SPINK5: variants seen among roughly 807,000 people sequenced by gnomAD.
The protein encoded by SPINK5 is serine protease inhibitor Kazal-type 5.
In SPINK5, 125 loss-of-function variants were observed where a neutral mutation model predicts 151.8. The ratio of observed to expected loss-of-function variants is 0.82; its 90% confidence interval spans 0.71 to 0.96. The LOEUF is 0.96. Among genes scored for constraint, SPINK5 ranks in the 40% least tolerant of loss-of-function variants. SPINK5 has a pLI of 0.00. For synonymous variants in SPINK5, 374 were observed against 395.3 expected (o/e 0.95, Z 0.64); for missense variants, 1,194 against 1,291.9 (o/e 0.92, Z 1.16).
rs565422234 is a variant in SPINK5 at position 148,105,244 on chromosome 5, A to T, written c.1479+244A>T. ...GTGGAATGTTAACTTTTTGTAAGGA[A>T]TTTTCCCCATATTTGGCTTTTATTA... On this transcript the variant is annotated intron_variant, in intron 16 of 32. Coordinates refer to ENST00000256084, the MANE Select transcript of SPINK5 (RefSeq NM_006846.4). 2.6e-5 allele frequency among the ~76,000 whole-genome samples: 4 copies of T among 152,282 alleles called. No homozygotes were observed. In the South Asian group the frequency reaches 8.3e-4, roughly 32 times the overall value.
chr5:148,100,045 G>A (rs1978448), intron 12 of SPINK5, among the ~76,000 whole-genome samples: 67,919 of 151,828 alleles, frequency 0.45, 16,502 homozygotes, highest in Admixed American at 0.58. Context: ...AAACCTGTGT[G>A]CGTATTTCCC....
chr5:148,081,706 T>A (rs1343820000), intron 4 of SPINK5, among the ~76,000 whole-genome samples: 1 of 151,680 alleles, frequency 6.6e-6, no homozygotes, highest in Non-Finnish European at 1.5e-5. Context: ...TGTACAACTC[T>A]TTCCATTTAC....
rs1421200813 is a variant in SPINK5, at chr5:148,125,796, A to C, written c.2813A>C (p.His938Pro). The C allele has an allele frequency of 6.2e-7, 1 of 1,614,122 alleles. No individual in the cohort carries two copies. Among genetic ancestry groups the C allele is most frequent in the African/African-American group, 1.3e-5 (1 of 74,944 alleles). ...LICPRENDPV[H>P]GADGKFYTNK... ...TGCCCTAGAGAGAATGACCCAGTGCACGGTGCTGATGGAAAGTTCTATACA... is the reference window on the plus strand; with the variant it reads ...TGCCCTAGAGAGAATGACCCAGTGCCCGGTGCTGATGGAAAGTTCTATACA... The change falls in exon 29 of 33, where the codon CAC becomes CCC. Residue 938 changes from histidine (H) to proline (P), a missense_variant. By Grantham distance (77) the His-to-Pro change is moderately conservative. Coordinates refer to ENST00000256084, the MANE Select transcript of SPINK5 (RefSeq NM_006846.4).
intron 30 of SPINK5, among the ~76,000 whole-genome samples, chr5:148,129,095 G>T (rs1020477274): frequency 6.6e-6 from 1 of 152,080 alleles, no homozygotes; most frequent in African/African-American, 2.4e-5. Context: ...TGATTCTGTA[G>T]GTATATCTGA....
intron 4 of SPINK5, among the ~76,000 whole-genome samples, chr5:148,076,294 T>C (rs2113017204): frequency 6.6e-6 from 1 of 151,720 alleles, no homozygotes; most frequent in South Asian, 2.1e-4. Flanking sequence ...GCTTAAAAAA[T>C]AACCATGATA....
At chr5:148,111,247 T>A (rs1230227707) in intron 18 of SPINK5, among the ~76,000 whole-genome samples, 3 of 151,992 alleles carry the variant, frequency 2.0e-5, no homozygotes, top group African/African-American at 7.2e-5. Context: ...TGTGGTTACA[T>A]CTCCCTCTCA....
In SPINK5 at chr5:148,125,946, G is replaced by A. The variant is rs1369865011; in HGVS notation, c.2867+96G>A. The A allele has an allele frequency of 5.7e-6, 9 of 1,567,062 alleles. No homozygotes were observed. In the Admixed American group the frequency reaches 1.5e-4, roughly 26 times the overall value. ...AAGTTTGTATATTTATGAACCCCAT[G>A]GGATTTTAAAAATAAGTCTTTAGAA... On this transcript the variant is annotated intron_variant, in intron 29 of 32. Coordinates refer to ENST00000256084, the MANE Select transcript of SPINK5 (RefSeq NM_006846.4).
In SPINK5 at chr5:148,131,014, T is replaced by C. The variant is rs912385721; in HGVS notation, c.2965-245T>C. Among the ~76,000 whole-genome samples, 53 of 152,236 alleles carry C rather than the reference T, an allele frequency of 3.5e-4. 3 individuals are homozygous for C. Among genetic ancestry groups the C allele is most frequent in the Non-Finnish European group, 1.5e-5 (1 of 68,040 alleles). On this transcript the variant is annotated intron_variant, in intron 30 of 32. Coordinates refer to ENST00000256084, the MANE Select transcript of SPINK5 (RefSeq NM_006846.4). ...CACATATTATAAAGGATATTTGCTT[T>C]CTTATTGCTTTGCTACTCCTTGTTT...
chr5:148,083,424 T>TTA lies in SPINK5; in HGVS notation c.283-2978_283-2977dup, dbSNP rs1753073148. Among the ~76,000 whole-genome samples the TTA allele has an allele frequency of 1.3e-5, 2 of 151,500 alleles. 1 individual carries two copies. The highest frequency in any genetic ancestry group is 1.3e-4 in the Admixed American group (2 of 15,184). On this transcript the variant is annotated intron_variant, in intron 4 of 32. Coordinates refer to ENST00000256084, the MANE Select transcript of SPINK5 (RefSeq NM_006846.4). ...ACATTTATATTTATTGTTATTTCTG[T>TTA]TATAGTGAGACTTGGTTCTTTCATT...
In SPINK5 at chr5:148,107,114, C is replaced by T. The variant is rs880687; in HGVS notation, c.1557C>T (p.Gly519=). 1.4e-5 allele frequency: 22 copies of T among 1,612,950 alleles called. No homozygotes were observed. In the African/African-American group the frequency reaches 2.4e-4, roughly 18 times the overall value. Residue 519 remains glycine, a synonymous_variant, in exon 17 of 33, where the codon GGC becomes GGT. Coordinates refer to ENST00000256084, the MANE Select transcript of SPINK5 (RefSeq NM_006846.4). ...CCAGGGAGCATAATCCTGTCCGTGG[C>T]CCAGATGGCAAAATGCATGGAAACA... ...ICTREHNPVR[G]PDGKMHGNKC...
intron 4 of SPINK5, among the ~76,000 whole-genome samples, chr5:148,077,999 CCAAT>C (rs1752928151): frequency 6.6e-6 from 1 of 150,490 alleles, no homozygotes; most frequent in South Asian, 2.1e-4. Flanking sequence ...TTTAAACATC[CCAAT>C]CAAAATGCAG....
chr5:148,114,443 G>T lies in SPINK5; in HGVS notation c.1969G>T (p.Asp657Tyr). ...AGAAAATGATCCTGTGCGTGGCCCA[G>T]ATGGCAAGACCCATGGCAACAAGTG... is the stretch of plus-strand genomic sequence containing the variant. ...TRENDPVRGP[D>Y]GKTHGNKCAM... is the part of the protein sequence containing the mutation. Residue 657 changes from aspartate (D) to tyrosine (Y), a missense_variant, in exon 21 of 33, where the codon GAT becomes TAT. Asp to Tyr is a radical substitution (Grantham distance 160). Transcript: ENST00000256084. 6.2e-7 allele frequency: 1 copy of T among 1,613,754 alleles called. No homozygotes were observed. The highest frequency in any genetic ancestry group is 1.7e-5 in the Admixed American group (1 of 59,992).
chr5:148,072,261 T>G, intron 4 of SPINK5, 41 bp downstream of exon 4: 1 of 1,584,706 alleles, frequency 6.3e-7, no homozygotes, highest in South Asian at 1.1e-5. Flanking sequence ...TTTGAGAGGA[T>G]GTTTGACTCT....
chr5:148,105,147 C>A, intron 16 of SPINK5, 147 bp downstream of exon 16: 1 of 891,512 alleles, frequency 1.1e-6, no homozygotes, highest in Non-Finnish European at 1.7e-6. Context: ...CAAAAAGGGT[C>A]CTGATAAGAA....
chr5:148,121,001 C>T (rs557089745), intron 26 of SPINK5, among the ~76,000 whole-genome samples: 7 of 151,682 alleles, frequency 4.6e-5, no homozygotes, highest in African/African-American at 1.4e-4. Flanking sequence ...AAAAATTAGC[C>T]GGGCACGATG....
At position 148,107,082 on chromosome 5, in the gene SPINK5, A is replaced by G. The variant is rs201926841; in HGVS notation, c.1525A>G (p.Ile509Val). 2.9e-5 allele frequency: 46 copies of G among 1,613,300 alleles called. No individual in the cohort carries two copies. The highest frequency in any genetic ancestry group is 3.4e-5 in the Non-Finnish European group (40 of 1,179,466). The change falls in exon 17 of 33, where the codon ATA (isoleucine) becomes GTA (valine). Residue 509 changes from isoleucine to valine, a missense_variant. Transcript: ENST00000256084. ...FRDQVRNGTLICTREHNPVRG... is the reference protein window; with the variant it reads ...FRDQVRNGTLVCTREHNPVRG... ...GGACCAAGTGAGGAATGGAACACTT[A>G]TATGCACCAGGGAGCATAATCCTGT...
chr5:148,073,208 G>A (rs188614316), intron 4 of SPINK5, among the ~76,000 whole-genome samples: 3 of 151,788 alleles, frequency 2.0e-5, no homozygotes, highest in East Asian at 1.9e-4. Context: ...GCCCCAACAC[G>A]TAATTAAAAT....
chr5:148,068,988 C>CT (rs990347059), intron 2 of SPINK5, among the ~76,000 whole-genome samples: 28 of 152,056 alleles, frequency 1.8e-4, no homozygotes, highest in African/African-American at 6.7e-4. Flanking sequence ...GTAATCCCAG[C>CT]TACTCAGGGG....
At chr5:148,076,546 A>C (rs942869218) in intron 4 of SPINK5, among the ~76,000 whole-genome samples, 2 of 151,812 alleles carry the variant, frequency 1.3e-5, no homozygotes, top group South Asian at 4.1e-4. Context: ...ACCAAAAGTT[A>C]TAAAATTTTC....
Sources: allele counts gnomAD v4.1 joint callset (sites outside exome capture counted in the v4.1 genomes callset), GRCh38; gene constraint gnomAD v4.1.1; transcripts MANE v1.5; gene names NCBI Gene and HGNC (gene_info 2026-07-23, HGNC 2026-07-21).